The following MAD1L1 variants were observed in gnomAD, a reference collection of about 807,000 sequenced individuals.
MAD1L1 encodes mitotic arrest deficient 1 like 1.
Under a neutral mutation model 96.9 loss-of-function variants are expected in MAD1L1, and 95 were observed. That is an observed-to-expected ratio of 0.98 (90% CI 0.83 to 1.16). The LOEUF (loss-of-function observed/expected upper bound fraction) is 1.16, where lower values mean the gene tolerates loss of function less well. MAD1L1 is among the 50% of genes most tolerant of loss of function. The pLI is 0.00. For missense variants in MAD1L1, 1,007 were observed against 954.4 expected (o/e 1.06, Z -0.73); for synonymous variants, 473 against 396.6 (o/e 1.19, Z -2.29).
At chr7:2,211,573 G>A (rs1792951195) in intron 10 of MAD1L1, among the ~76,000 whole-genome samples, 1 of 152,230 alleles carries the variant, frequency 6.6e-6, no homozygotes, top group Non-Finnish European at 1.5e-5. Flanking sequence ...GCCAGAGTAT[G>A]CCTGGGAGCA....
intron 18 of MAD1L1, among the ~76,000 whole-genome samples, chr7:1,825,991 T>C (rs1782372272): frequency 6.6e-6 from 1 of 152,164 alleles, no homozygotes. Context: ...CGGCCCCAGC[T>C]TGGCTTCATG....
rs569100531 is a variant in MAD1L1, at chr7:1,957,621, G to A, written c.1596+8C>T. On this transcript the variant is annotated splice_region_variant and intron_variant, in intron 16 of 18. Transcript: ENST00000265854. Reference sequence around the variant, plus strand: ...CAGTGCCTCACCCAGAGGCTGCCCCGCCCTCACCTGCAGAGCTCGCCGCTC... The same window carrying A: ...CAGTGCCTCACCCAGAGGCTGCCCCACCCTCACCTGCAGAGCTCGCCGCTC... 7.4e-6 allele frequency: 12 copies of A among 1,613,508 alleles called. No individual in the cohort carries two copies. The highest frequency in any genetic ancestry group is 1.7e-5 in the Admixed American group (1 of 60,000).
chr7:1,896,324 C>A (rs952295494), intron 18 of MAD1L1, among the ~76,000 whole-genome samples: 2 of 152,194 alleles, frequency 1.3e-5, no homozygotes, highest in Non-Finnish European at 2.9e-5. Flanking sequence ...CCTGGGCGGG[C>A]GGATGAGGGC....
At chr7:1,988,737 A>G (rs1401239650) in intron 14 of MAD1L1, among the ~76,000 whole-genome samples, 1 of 152,208 alleles carries the variant, frequency 6.6e-6, no homozygotes, top group Non-Finnish European at 1.5e-5. Flanking sequence ...CCTGGAGGAC[A>G]GGATTCCCGG....
chr7:1,817,780 C>T (rs569361325), intron 18 of MAD1L1, among the ~76,000 whole-genome samples: 63 of 152,210 alleles, frequency 4.1e-4, no homozygotes, highest in Middle Eastern at 3.4e-3. Flanking sequence ...TCTGGGAACC[C>T]TCCCCAGGAG....
rs528874311 is a variant in MAD1L1, at chr7:1,900,178, C to T, written c.1808-1788G>A. The stretch of plus-strand genomic sequence containing the variant: ...GGCTATGACAGCTATGAACACGATC[C>T]GATCCCCAATCCACACACAATGACA... On this transcript the variant is annotated intron_variant, in intron 17 of 18. Coordinates refer to ENST00000265854, the MANE Select transcript of MAD1L1 (RefSeq NM_001013836.2). 2.1e-4 allele frequency among the ~76,000 whole-genome samples: 32 copies of T among 152,356 alleles called. 2 individuals carry two copies. The South Asian group carries it at 5.4e-3, about 26-fold the overall frequency.
At chr7:1,880,388 G>A (rs1785616778) in intron 18 of MAD1L1, among the ~76,000 whole-genome samples, 1 of 152,118 alleles carries the variant, frequency 6.6e-6, no homozygotes. Flanking sequence ...AGGAGCTGGG[G>A]AGCTGCTAGG....
At chr7:1,908,395 T>G (rs1242466118) in intron 17 of MAD1L1, among the ~76,000 whole-genome samples, 1 of 152,136 alleles carries the variant, frequency 6.6e-6, no homozygotes, top group Non-Finnish European at 1.5e-5. Context: ...TTTGTTTTGT[T>G]TTTTGAGACA....
At chr7:2,131,069 A>G (rs1788487497) in intron 11 of MAD1L1, among the ~76,000 whole-genome samples, 1 of 152,152 alleles carries the variant, frequency 6.6e-6, no homozygotes, top group Non-Finnish European at 1.5e-5. Context: ...CACTTGAATA[A>G]GCTCTCTTTA....
intron 18 of MAD1L1, among the ~76,000 whole-genome samples, chr7:1,858,196 G>A (rs1364894126): frequency 6.6e-6 from 1 of 152,194 alleles, no homozygotes; most frequent in East Asian, 1.9e-4. Flanking sequence ...CGCGCCCGTC[G>A]GTGGCAGTGT....
Position 2,142,772 on chromosome 7 carries a change from G to A in MAD1L1, c.1073+6380C>T, listed in dbSNP as rs531523368. ...CAAACCCCAGGGGCCCCCTTATGCC[G>A]AGAGCAGGTGGTCAGGTTGAGCATG... is the stretch of plus-strand genomic sequence containing the variant. On this transcript the variant is annotated intron_variant, in intron 11 of 18. Coordinates refer to ENST00000265854, the MANE Select transcript of MAD1L1 (RefSeq NM_001013836.2). This position sits in a 1 kb window ranked among gnomAD's most constrained non-coding sequence, Gnocchi z 4.7. Among the ~76,000 whole-genome samples the A allele has an allele frequency of 2.5e-4, 38 of 152,354 alleles. No homozygotes were observed. Among genetic ancestry groups the A allele is most frequent in the South Asian group, 2.5e-3 (12 of 4,828 alleles).
At chr7:1,960,857 G>C (rs1324696234) in intron 15 of MAD1L1, among the ~76,000 whole-genome samples, 3 of 152,172 alleles carry the variant, frequency 2.0e-5, no homozygotes, top group African/African-American at 7.2e-5. Context: ...AGGAGCACTT[G>C]AACTATGTAC....
rs2128576838 is a variant in MAD1L1 at position 2,144,136 on chromosome 7, T to G, written c.1073+5016A>C. On this transcript the variant is annotated intron_variant, in intron 11 of 18. Transcript: ENST00000265854. ...GGAGACCCACAGGCCTGGACGCACG[T>G]CCTGCTTTCACCACCTCCCAGCTGT... Among the ~76,000 whole-genome samples the G allele has an allele frequency of 2.0e-5, 3 of 152,290 alleles. No homozygotes were observed. The East Asian group carries it at 5.8e-4, about 29-fold the overall frequency.
intron 18 of MAD1L1, among the ~76,000 whole-genome samples, chr7:1,862,144 C>T (rs73046356): frequency 0.029 from 4,476 of 152,286 alleles, 141 homozygotes; most frequent in Admixed American, 0.076. Context: ...GTGTCTGGGG[C>T]GTCCCCAAGA....
intron 17 of MAD1L1, among the ~76,000 whole-genome samples, chr7:1,911,975 G>T (rs1439504394): frequency 6.6e-6 from 1 of 152,286 alleles, no homozygotes; most frequent in East Asian, 1.9e-4. Context: ...CTGCAGGGCA[G>T]AAGTGGTGGG....
intron 11 of MAD1L1, among the ~76,000 whole-genome samples, chr7:2,117,072 G>A (rs1308962527): frequency 1.3e-5 from 2 of 152,196 alleles, no homozygotes; most frequent in African/African-American, 4.8e-5. Context: ...GCCTTTTCTA[G>A]AGATAGGCCT....
chr7:2,124,044 G>C (rs1008389294), intron 11 of MAD1L1, among the ~76,000 whole-genome samples: 2 of 152,194 alleles, frequency 1.3e-5, no homozygotes, highest in African/African-American at 4.8e-5. Context: ...TCCTCCTCTA[G>C]ACGGGGAAGC....
At chr7:1,820,223 G>C (rs950781177) in intron 18 of MAD1L1, among the ~76,000 whole-genome samples, 28 of 152,016 alleles carry the variant, frequency 1.8e-4, no homozygotes, top group Non-Finnish European at 3.4e-4. Context: ...AAATAAAAAA[G>C]AGAACAGAAT....
chr7:2,110,784 G>A (rs1033790013), intron 11 of MAD1L1, among the ~76,000 whole-genome samples: 3 of 152,134 alleles, frequency 2.0e-5, no homozygotes, highest in Non-Finnish European at 4.4e-5. Context: ...AGTGCGGTCC[G>A]AGCAGGGAAT....
Sources: gnomAD v4.1 joint callset for allele counts (sites outside exome capture counted in the v4.1 genomes callset) on GRCh38, gnomAD v4.1.1 for gene constraint, Gnocchi (gnomAD v3.1) non-coding constraint, MANE v1.5 for transcripts, NCBI Gene and HGNC (gene_info 2026-07-23, HGNC 2026-07-21) for gene names.